The following FAM53A variants were observed in gnomAD, a reference collection of about 807,000 sequenced individuals.
FAM53A encodes family with sequence similarity 53 member A.
A neutral mutation model predicts 26.6 loss-of-function variants in FAM53A; 28 were observed. The observed-to-expected ratio is 1.05, with a 90% CI of 0.78 to 1.45. The LOEUF (loss-of-function observed/expected upper bound fraction) is 1.45, where lower values mean the gene tolerates loss of function less well. FAM53A is among the 40% of genes most tolerant of loss of function. The pLI is 0.00. For missense variants in FAM53A, 650 were observed against 575.8 expected, an observed-to-expected ratio of 1.13 and a Z score of -1.32; for synonymous variants, 290 against 253.1, an observed-to-expected ratio of 1.15 and a Z score of -1.38.
chr4:1,610,676 G>A, the FAM53A span, among the ~76,000 whole-genome samples: 1 of 152,182 alleles, frequency 6.6e-6, no homozygotes, highest in South Asian at 2.1e-4. Flanking sequence ...GTGGGGGACA[G>A]AGGCCTGGGC....
At chr4:1,602,666 C>T in the FAM53A span, among the ~76,000 whole-genome samples, 514 of 152,308 alleles carry the variant, frequency 3.4e-3, 4 homozygotes, top group African/African-American at 0.012. Context: ...GGCCCCTCCG[C>T]GCGCCCCCTC....
chr4:1,643,234 G>A (rs543517243), intron 4 of FAM53A, among the ~76,000 whole-genome samples: 246 of 152,174 alleles, frequency 1.6e-3, no homozygotes, highest in Middle Eastern at 3.4e-3. Context: ...TGGGAGGCCG[G>A]GGCGGGCGGA....
intron 4 of FAM53A, among the ~76,000 whole-genome samples, chr4:1,653,545 G>A (rs920244319): frequency 1.3e-5 from 2 of 152,206 alleles, no homozygotes; most frequent in African/African-American, 4.8e-5. Context: ...CTGGCAAGCA[G>A]GGACAGCCTG....
At chr4:1,619,996 T>C (rs183998856) in intron 1 of FAM53A, among the ~76,000 whole-genome samples, 4,154 of 151,606 alleles carry the variant, frequency 0.027, 211 homozygotes, top group African/African-American at 0.095. Flanking sequence ...GATCACAAGG[T>C]CAGGAGTTCG....
chr4:1,669,798 C>T (rs1024394152), intron 1 of FAM53A, among the ~76,000 whole-genome samples: 6 of 152,224 alleles, frequency 3.9e-5, no homozygotes, highest in African/African-American at 1.4e-4. Flanking sequence ...CCTCCATGAA[C>T]ACCAGGACAC....
the FAM53A span, among the ~76,000 whole-genome samples, chr4:1,611,260 A>C: frequency 0.32 from 48,708 of 152,114 alleles, 8,765 homozygotes; most frequent in African/African-American, 0.48. Context: ...GGGCCAGGAT[A>C]TGGGGGTGTG....
At chr4:1,650,561 A>T (rs892734689) in intron 4 of FAM53A, among the ~76,000 whole-genome samples, 1 of 151,956 alleles carries the variant, frequency 6.6e-6, no homozygotes, top group Non-Finnish European at 1.5e-5. Context: ...CAGTGGCGTG[A>T]TCTCAGTTCA....
chr4:1,576,555 A>G, the FAM53A span, among the ~76,000 whole-genome samples: 4 of 152,254 alleles, frequency 2.6e-5, no homozygotes, highest in Admixed American at 6.5e-5. Flanking sequence ...TGGGACTCCA[A>G]TGAAAGGAGA....
At chr4:1,615,310 AC>A (rs1714769193), downstream of FAM53A, among the ~76,000 whole-genome samples, 1 of 46,300 alleles carries the variant, frequency 2.2e-5, no homozygotes, top group Non-Finnish European at 4.8e-5. Context: ...ATGCGGCCAC[AC>A]CCACCCCACC....
upstream of FAM53A, chr4:1,684,420 C>T (rs1001659916): frequency 2.0e-5 from 3 of 148,982 alleles, no homozygotes; most frequent in African/African-American, 7.3e-5. Context: ...CTTCTCCACG[C>T]CGGCCCTCAG....
At chr4:1,658,891 G>A (rs574749312) in intron 2 of FAM53A, among the ~76,000 whole-genome samples, 3 of 152,356 alleles carry the variant, frequency 2.0e-5, no homozygotes, top group East Asian at 1.9e-4. Flanking sequence ...CGGCTGTCCC[G>A]CAGGGTCCGG....
chr4:1,655,531 C>T lies in FAM53A; in HGVS notation c.329G>A (p.Gly110Asp). ...CTTGGTCGGTGGGGCCGTGGACGAG[C>T]CTGTGCTTTCACTGGGGTCCACGGT... is the stretch of plus-strand genomic sequence containing the variant. ...ASTVDPSEST[G>D]SSTAPPTKRH... The change falls in exon 4 of 5, where the codon GGC becomes GAC. Residue 110 changes from glycine to aspartate, a missense_variant. Gly to Asp is a moderately conservative substitution (Grantham distance 94). Transcript: ENST00000308132. 6.4e-7 allele frequency: 1 copy of T among 1,567,070 alleles called. No homozygotes were observed.
chr4:1,591,599 T>C, the FAM53A span, among the ~76,000 whole-genome samples: 9 of 152,216 alleles, frequency 5.9e-5, no homozygotes, highest in African/African-American at 2.2e-4. Context: ...GTTCATGTTA[T>C]TGTGAGTGGA....
intron 1 of FAM53A, among the ~76,000 whole-genome samples, chr4:1,632,591 C>T (rs758248072): frequency 6.6e-6 from 1 of 152,246 alleles, no homozygotes; most frequent in Non-Finnish European, 1.5e-5. Flanking sequence ...TTATCATCTG[C>T]GCCCTTAGAG....
Position 1,655,556 on chromosome 4 carries a change from T to A in FAM53A, c.304A>T (p.Thr102Ser), listed in dbSNP as rs754777112. The A allele has an allele frequency of 6.3e-7, 1 of 1,574,988 alleles. No individual in the cohort carries two copies. The highest frequency in any genetic ancestry group is 1.1e-5 in the South Asian group (1 of 87,044). ...RPGAGLGAAS[T>S]VDPSESTGSS... ...CCTGTGCTTTCACTGGGGTCCACGG[T>A]GCTGGCTGCACCCAGGCCTGCGCCT... is the stretch of plus-strand genomic sequence containing the variant. The change falls in exon 4 of 5, where the codon ACC becomes TCC. Residue 102 changes from threonine to serine, a missense_variant. Physicochemically the swap from Thr to Ser is moderately conservative, Grantham distance 58. Coordinates refer to ENST00000308132, the MANE Select transcript of FAM53A (RefSeq NM_001174070.3).
At chr4:1,671,076 C>A (rs1375840078) in intron 1 of FAM53A, among the ~76,000 whole-genome samples, 22 of 150,842 alleles carry the variant, frequency 1.5e-4, no homozygotes, top group African/African-American at 5.4e-4. Flanking sequence ...CTCACAGCCA[C>A]AGCCACGGCC....
chr4:1,623,251 G>A (rs770493490), intron 1 of FAM53A, among the ~76,000 whole-genome samples: 3 of 152,204 alleles, frequency 2.0e-5, no homozygotes, highest in South Asian at 2.1e-4. Flanking sequence ...CCTGAGATGG[G>A]CCCAAGCTCC....
the FAM53A span, among the ~76,000 whole-genome samples, chr4:1,576,332 A>G: frequency 6.6e-6 from 1 of 152,236 alleles, no homozygotes; most frequent in African/African-American, 2.4e-5. Flanking sequence ...TGACAGCATG[A>G]TCAGTGGCGG....
intron 4 of FAM53A, among the ~76,000 whole-genome samples, chr4:1,647,109 TG>T (rs1251428298): frequency 1.3e-5 from 2 of 151,614 alleles, no homozygotes; most frequent in East Asian, 3.9e-4. Flanking sequence ...CTGAGGTGGG[TG>T]GATTTCCTGA....
Sources: allele counts gnomAD v4.1 joint callset (sites outside exome capture counted in the v4.1 genomes callset), GRCh38; gene constraint gnomAD v4.1.1; transcripts MANE v1.5; gene names NCBI Gene and HGNC (gene_info 2026-07-23, HGNC 2026-07-21).